The following NOS2 variants were observed in gnomAD, a reference collection of about 807,000 sequenced individuals.
NOS2 encodes the protein nitric oxide synthase 2.
In NOS2, 96 loss-of-function variants were observed where a neutral mutation model predicts 136.0. The ratio of observed to expected loss-of-function variants is 0.71; its 90% CI spans 0.60 to 0.84. The LOEUF (loss-of-function observed/expected upper bound fraction) is 0.84. NOS2 is among the 40% of genes least tolerant of loss of function. The pLI is 0.00. For missense variants in NOS2, 1,237 were observed against 1,496.9 expected (o/e 0.83, Z 2.87); for synonymous variants, 539 against 587.5 (o/e 0.92, Z 1.20).
In NOS2 at chr17:27,768,964, G is replaced by T; in HGVS notation, c.2034+13C>A. 6.3e-7 allele frequency: 1 copy of T among 1,587,074 alleles called. No individual in the cohort carries two copies. ...ATGTCCCTGCTGTGGGGCAGCTCTG[G>T]CTGGGAACTGACCTTGAAGGTTTGC... On this transcript the variant is annotated intron_variant, in intron 17 of 26. Coordinates refer to ENST00000313735, the MANE Select transcript of NOS2 (RefSeq NM_000625.4).
chr17:27,793,748 C>G (rs1432315887), intron 2 of NOS2: 1 of 389,424 alleles, frequency 2.6e-6, no homozygotes, highest in Non-Finnish European at 4.5e-6. Flanking sequence ...CCAGCGCCCG[C>G]GCTTTATCGC....
At chr17:27,791,096 A>T (rs1909168676) in intron 2 of NOS2, among the ~76,000 whole-genome samples, 1 of 152,234 alleles carries the variant, frequency 6.6e-6, no homozygotes, top group Non-Finnish European at 1.5e-5. Context: ...TATATCATTA[A>T]TTATATACAT....
Position 27,774,329 on chromosome 17 carries a change from C to G in NOS2, c.1404G>C (p.Met468Ile), listed in dbSNP as rs1218154613. ...GAAACACGGGGGTGATGCTCCCAGA[C>G]ATGGGAGGGACCAGCCAAATCCAGT... ...PADWIWLVPP[M>I]SGSITPVFHQ... The change falls in exon 12 of 27, where the codon ATG (methionine) becomes ATC (isoleucine). Residue 468 changes from methionine (M) to isoleucine (I), a missense_variant. By Grantham distance (10) the Met-to-Ile change is conservative (BLOSUM62 1). Coordinates refer to ENST00000313735, the MANE Select transcript of NOS2 (RefSeq NM_000625.4). 6.3e-7 allele frequency: 1 copy of G among 1,584,834 alleles called. No homozygotes were observed. Among genetic ancestry groups the G allele is most frequent in the Middle Eastern group, 1.7e-4 (1 of 5,968 alleles).
intron 2 of NOS2, among the ~76,000 whole-genome samples, chr17:27,790,166 T>A (rs1234742114): frequency 6.6e-6 from 1 of 152,200 alleles, no homozygotes; most frequent in Non-Finnish European, 1.5e-5. Context: ...TGATCTCAGC[T>A]CTCTGCAACC....
intron 2 of NOS2, among the ~76,000 whole-genome samples, chr17:27,791,822 G>C (rs1343287320): frequency 7.1e-6 from 1 of 140,074 alleles, no homozygotes; most frequent in Non-Finnish European, 1.6e-5. Flanking sequence ...TATATATATG[G>C]CAATCTGGAT....
chr17:27,760,208 G>A (rs200380644), intron 24 of NOS2, 30 bp from the exon 25 acceptor site: 17 of 1,515,430 alleles, frequency 1.1e-5, no homozygotes, highest in Non-Finnish European at 1.5e-5. Context: ...TTGTTACCAT[G>A]TTGGCCACCA....
At chr17:27,798,637 C>T (rs554176680) in intron 2 of NOS2, 63 bp downstream of exon 2, 21 of 956,026 alleles carry the variant, frequency 2.2e-5, no homozygotes, top group East Asian at 1.7e-4. Flanking sequence ...TCTGAGTCAT[C>T]GGTGCCGACA....
At chr17:27,782,817 G>T in intron 6 of NOS2, 127 bp downstream of exon 6, 1 of 893,604 alleles carries the variant, frequency 1.1e-6, no homozygotes. Context: ...GGGAATGTAA[G>T]AGAGGATCCA....
chr17:27,788,995 T>G, intron 3 of NOS2, 64 bp from the exon 4 acceptor site: 1 of 1,572,046 alleles, frequency 6.4e-7, no homozygotes, highest in Non-Finnish European at 8.7e-7. Context: ...CTGCCTTGTC[T>G]TAGAGTGGGG....
chr17:27,771,113 G>A, intron 14 of NOS2, 96 bp from the exon 15 acceptor site: 1 of 836,440 alleles, frequency 1.2e-6, no homozygotes, highest in Non-Finnish European at 1.9e-6. Context: ...ACTGCCCCCA[G>A]GCTGCGGCTC....
intron 4 of NOS2, 100 bp downstream of exon 4, chr17:27,788,709 T>C: frequency 7.1e-7 from 1 of 1,415,694 alleles, no homozygotes; most frequent in Non-Finnish European, 9.6e-7. Flanking sequence ...AAGCAGATGA[T>C]TGTTTGGTTT....
chr17:27,770,354 C>T (rs1349900310), intron 15 of NOS2, among the ~76,000 whole-genome samples: 5 of 152,092 alleles, frequency 3.3e-5, no homozygotes, highest in Non-Finnish European at 5.9e-5. Context: ...GGCATGGTGG[C>T]GCGTGCCTGT....
In NOS2 at chr17:27,789,560, G is replaced by A. The variant is rs201139854; in HGVS notation, c.195+44C>T. On this transcript the variant is annotated intron_variant, in intron 3 of 26. Transcript: ENST00000313735. ...AGGCTGCTATGTCTGCATCTGCCTG[G>A]ACCAGGGAGGAAGGGGCTTCCCACA... 7.1e-5 allele frequency: 103 copies of A among 1,441,942 alleles called. 1 individual carries two copies. Among genetic ancestry groups the A allele is most frequent in the Non-Finnish European group, 9.3e-5 (95 of 1,024,122 alleles). 89.3% of individuals were successfully genotyped at this position (1,441,942 alleles called of 1,614,324 possible). A position where few individuals can be genotyped will look rare whatever the true frequency, so the allele number is the denominator to read the frequency against.
rs1281438088 is a variant in NOS2 at position 27,760,738 on chromosome 17, G to A, written c.2895C>T (p.Ser965=). 16 of 1,549,574 alleles carry A rather than the reference G, an allele frequency of 1.0e-5. No homozygotes were observed. The highest frequency in any genetic ancestry group is 9.8e-5 in the East Asian group (4 of 40,934). Residue 965 remains serine (S), a synonymous_variant, in exon 24 of 27, where the codon AGC becomes AGT. Coordinates refer to ENST00000313735, the MANE Select transcript of NOS2 (RefSeq NM_000625.4). ...DPVPCFVRNA[S]GFHLPEDPSH... ...AGGGATCCTCGGGGAGGTGGAAGCCGCTGGCACTGAAGAGGACAGGAGAAG... is the reference window on the plus strand; with the variant it reads ...AGGGATCCTCGGGGAGGTGGAAGCCACTGGCACTGAAGAGGACAGGAGAAG...
chr17:27,768,872 C>T, intron 17 of NOS2, 105 bp downstream of exon 17: 1 of 1,264,782 alleles, frequency 7.9e-7, no homozygotes, highest in Non-Finnish European at 1.1e-6. Context: ...ATCTACAGGA[C>T]CACAGGCAGA....
intron 2 of NOS2, chr17:27,793,881 C>T: frequency 2.7e-6 from 1 of 368,928 alleles, no homozygotes; most frequent in South Asian, 1.5e-4. Context: ...GATCCCGGGA[C>T]CCAAGCACCC....
intron 2 of NOS2, among the ~76,000 whole-genome samples, chr17:27,796,744 G>A (rs1250821541): frequency 1.3e-5 from 2 of 152,208 alleles, no homozygotes; most frequent in Non-Finnish European, 2.9e-5. Context: ...TGGGGAGCTG[G>A]AGTCAGGGAG....
At chr17:27,760,001 T>C (rs142423584) in intron 25 of NOS2, 29 bp downstream of exon 25, 32 of 1,486,012 alleles carry the variant, frequency 2.2e-5, no homozygotes, top group Non-Finnish European at 2.8e-5. Context: ...GTGTGTGTAA[T>C]GCTTCACCTG....
chr17:27,798,246 C>T (rs1381011068), intron 2 of NOS2, among the ~76,000 whole-genome samples: 4 of 152,300 alleles, frequency 2.6e-5, no homozygotes, highest in African/African-American at 7.2e-5. Context: ...GCAACTAGTG[C>T]GGCCAGCACA....
Sources: allele counts gnomAD v4.1 joint callset (sites outside exome capture counted in the v4.1 genomes callset), GRCh38; gene constraint gnomAD v4.1.1; transcripts MANE v1.5; gene names NCBI Gene and HGNC (gene_info 2026-07-23, HGNC 2026-07-21).